Variants in DOCK10 observed in about 807,000 individuals in gnomAD.
DOCK10 encodes dedicator of cytokinesis 10, also known as dedicator of cytokinesis protein 10.
In DOCK10, 145 loss-of-function variants were observed where a neutral mutation model predicts 280.1. The ratio of observed to expected loss-of-function variants is 0.52; its 90% CI spans 0.45 to 0.59. DOCK10 has a LOEUF of 0.59. Ranked by LOEUF, DOCK10 falls within the 20% of genes least tolerant of loss-of-function variation. DOCK10 has a pLI of 0.00. For missense variants in DOCK10, 2,368 were observed against 2,651.7 expected, an observed-to-expected ratio of 0.89 and a Z score of 2.35; for synonymous variants, 915 against 942.2, an observed-to-expected ratio of 0.97 and a Z score of 0.53.
At position 224,787,384 on chromosome 2, in the gene DOCK10, T is replaced by G; in HGVS notation, c.5432A>C (p.Glu1811Ala). 1.9e-6 allele frequency: 3 copies of G among 1,613,932 alleles called. No individual in the cohort carries two copies. The highest frequency in any genetic ancestry group is 2.5e-6 in the Non-Finnish European group (3 of 1,179,854). Residue 1811 changes from glutamate (E) to alanine (A), a missense_variant, in exon 49 of 56, where the codon GAG becomes GCG. Coordinates refer to ENST00000258390, the MANE Select transcript of DOCK10 (RefSeq NM_014689.3). Reference sequence around the variant, plus strand: ...AAACTCCACACACATGTATAGCTGCTCCACCAGGATATTCTGCAATTCCCC... The same window carrying G: ...AAACTCCACACACATGTATAGCTGCGCCACCAGGATATTCTGCAATTCCCC... ...DTPYNENILV[E>A]QLYMCVEFLW...
chr2:224,895,853 A>G (rs909506242), intron 4 of DOCK10, among the ~76,000 whole-genome samples: 82 of 144,282 alleles, frequency 5.7e-4, no homozygotes, highest in Non-Finnish European at 8.9e-4. Flanking sequence ...ATATATATAT[A>G]TATATATATG....
In DOCK10 at chr2:224,816,849, A is replaced by G. The variant is rs182347581; in HGVS notation, c.3268-136T>C. The G allele has an allele frequency of 5.2e-6, 3 of 581,676 alleles. No individual in the cohort carries two copies. The Admixed American group carries it at 9.8e-5, about 19-fold the overall frequency. The allele number at this position is 581,676 out of a possible 1,614,324, so 36.0% of individuals were successfully genotyped here. A position where few individuals can be genotyped will look rare whatever the true frequency, so the allele number is the denominator to read the frequency against. ...CCATACACTTGTCGGACCACTAGGT[A>G]ATTAAGTTGAAAGGATTTTGTCCCC... On this transcript the variant is annotated intron_variant, in intron 29 of 55. Coordinates refer to ENST00000258390, the MANE Select transcript of DOCK10 (RefSeq NM_014689.3).
chr2:224,815,359 A>G (rs1040772779), intron 30 of DOCK10, among the ~76,000 whole-genome samples: 3 of 151,904 alleles, frequency 2.0e-5, no homozygotes, highest in African/African-American at 7.3e-5. Context: ...TAGCAGTGTG[A>G]CAATGGACTA....
In DOCK10 at chr2:224,875,948, G is replaced by C. The variant is rs975742919; in HGVS notation, c.931+90C>G. The C allele has an allele frequency of 3.0e-6, 4 of 1,325,662 alleles. No homozygotes were observed. In the African/African-American group the frequency reaches 5.9e-5, roughly 20 times the overall value. The allele number at this position is 1,325,662 out of a possible 1,614,324, so 82.1% of individuals were successfully genotyped here. A position where few individuals can be genotyped will look rare whatever the true frequency, so the allele number is the denominator to read the frequency against. The stretch of plus-strand genomic sequence containing the variant: ...GCCCCAGGATGGATGAGCTAGACCA[G>C]ACAGCAACTACAATGCCTAGCAGCT... On this transcript the variant is annotated intron_variant, in intron 8 of 55. Transcript: ENST00000258390.
chr2:225,039,484 G>T (rs918358607), intron 1 of DOCK10, among the ~76,000 whole-genome samples: 1 of 152,098 alleles, frequency 6.6e-6, no homozygotes, highest in African/African-American at 2.4e-5. Context: ...GAATAAGGTG[G>T]TTCGTGTCTA....
chr2:225,014,852 T>G (rs961304410), intron 1 of DOCK10, among the ~76,000 whole-genome samples: 2 of 152,258 alleles, frequency 1.3e-5, no homozygotes, highest in African/African-American at 2.4e-5. Flanking sequence ...AATTTTCATT[T>G]GCATGATTTC....
intron 1 of DOCK10, among the ~76,000 whole-genome samples, chr2:225,033,350 T>G (rs1042619714): frequency 2.0e-5 from 3 of 152,026 alleles, no homozygotes; most frequent in African/African-American, 7.2e-5. Context: ...GCCCGGCTAA[T>G]TTTTGTAATT....
At chr2:224,799,778 C>T (rs62186315) in intron 41 of DOCK10, among the ~76,000 whole-genome samples, 18,764 of 152,144 alleles carry the variant, frequency 0.12, 1,373 homozygotes, top group African/African-American at 0.2. Flanking sequence ...AGATGCTCAA[C>T]ATTATTAGTT....
chr2:224,915,524 A>C (rs6726293), intron 3 of DOCK10, among the ~76,000 whole-genome samples: 5,754 of 152,310 alleles, frequency 0.038, 353 homozygotes, highest in African/African-American at 0.13. Context: ...ACAGTACAAC[A>C]GAAAATATGT....
At chr2:224,960,167 T>A (rs923700987) in intron 1 of DOCK10, among the ~76,000 whole-genome samples, 5 of 152,194 alleles carry the variant, frequency 3.3e-5, no homozygotes, top group African/African-American at 7.2e-5. Context: ...GCTGCACATT[T>A]ATTATCATTA....
intron 3 of DOCK10, among the ~76,000 whole-genome samples, chr2:224,912,058 G>A (rs1701045688): frequency 6.6e-6 from 1 of 152,144 alleles, no homozygotes; most frequent in South Asian, 2.1e-4. Context: ...ATGACTTGAA[G>A]AATTATGTTG....
At chr2:224,983,515 A>AG (rs1051694985) in intron 1 of DOCK10, 79 of 216,210 alleles carry the variant, frequency 3.7e-4, no homozygotes, top group African/African-American at 1.6e-3. Context: ...AAAGAAAAAA[A>AG]AATGTTTTCT....
At chr2:224,800,935 T>G (rs981667047) in intron 40 of DOCK10, among the ~76,000 whole-genome samples, 11 of 151,946 alleles carry the variant, frequency 7.2e-5, no homozygotes, top group Non-Finnish European at 1.5e-4. Flanking sequence ...CAACTGAAAG[T>G]GGGGGAGAGG....
chr2:224,995,800 A>G (rs1262003543), intron 1 of DOCK10, among the ~76,000 whole-genome samples: 1 of 152,228 alleles, frequency 6.6e-6, no homozygotes, highest in Non-Finnish European at 1.5e-5. Context: ...AAAAGGTATT[A>G]TATCAGCTTG....
chr2:225,029,227 A>G (rs1690008745), intron 1 of DOCK10, among the ~76,000 whole-genome samples: 1 of 152,214 alleles, frequency 6.6e-6, no homozygotes. Context: ...GCTGGGGTGC[A>G]GTGGCACAAT....
intron 27 of DOCK10, among the ~76,000 whole-genome samples, chr2:224,827,214 G>T (rs1574892340): frequency 6.7e-6 from 1 of 149,838 alleles, no homozygotes; most frequent in Non-Finnish European, 1.5e-5. Context: ...AGTGAGCCGA[G>T]ATCGTGCCAC....
At chr2:224,953,012 A>T (rs1276191638) in intron 1 of DOCK10, among the ~76,000 whole-genome samples, 3 of 152,186 alleles carry the variant, frequency 2.0e-5, no homozygotes, top group African/African-American at 7.2e-5. Context: ...TTTCATTGAC[A>T]ATGCATTTGA....
chr2:224,979,773 T>C (rs1012171912), intron 1 of DOCK10, among the ~76,000 whole-genome samples: 22 of 152,240 alleles, frequency 1.4e-4, no homozygotes, highest in African/African-American at 4.6e-4. Flanking sequence ...CCGGCACTTT[T>C]CTAAGCACTT....
At chr2:224,801,564 C>G (rs1023489154) in intron 40 of DOCK10, among the ~76,000 whole-genome samples, 4 of 152,110 alleles carry the variant, frequency 2.6e-5, no homozygotes, top group Admixed American at 2.0e-4. Flanking sequence ...TCTCTAAGTT[C>G]AAGAGGTCAC....
Sources: allele counts gnomAD v4.1 joint callset (sites outside exome capture counted in the v4.1 genomes callset), GRCh38; gene constraint gnomAD v4.1.1; transcripts MANE v1.5; gene names NCBI Gene and HGNC (gene_info 2026-07-23, HGNC 2026-07-21).